FAM209A: variants seen among roughly 807,000 people sequenced by gnomAD.
FAM209A encodes the protein protein FAM209A.
In FAM209A, 4 loss-of-function variants were observed where a neutral mutation model predicts 9.8. The ratio of observed to expected loss-of-function variants is 0.41; its 90% CI spans 0.20 to 0.94. The LOEUF (loss-of-function observed/expected upper bound fraction) is 0.94, where lower values mean the gene tolerates loss of function less well. Among genes scored for constraint, FAM209A ranks in the 40% least tolerant of loss-of-function variants. The pLI, the probability that FAM209A is intolerant of heterozygous loss-of-function variation, is 0.32. For missense variants in FAM209A, 205 were observed against 209.4 expected (o/e 0.98, Z 0.13); for synonymous variants, 55 against 77.8 (o/e 0.71, Z 1.54).
chr20:56,530,223 T>C (rs987201657), downstream of FAM209A, among the ~76,000 whole-genome samples: 3 of 152,108 alleles, frequency 2.0e-5, no homozygotes, highest in African/African-American at 7.2e-5. Context: ...TATGCCATTT[T>C]GGCAAGGAGC....
At chr20:56,527,272 C>T (rs955709067), downstream of FAM209A, among the ~76,000 whole-genome samples, 11 of 151,860 alleles carry the variant, frequency 7.2e-5, no homozygotes, top group Middle Eastern at 3.4e-3. Context: ...GGAGCTGCTT[C>T]GGGTTGGCAC....
downstream of FAM209A, among the ~76,000 whole-genome samples, chr20:56,528,544 T>G (rs1985636160): frequency 6.6e-6 from 1 of 151,008 alleles, no homozygotes; most frequent in Admixed American, 6.6e-5. Context: ...GAGGTTGCAG[T>G]GAGCTATGAT....
the FAM209A span, among the ~76,000 whole-genome samples, chr20:56,532,601 A>C: frequency 1.2e-4 from 17 of 145,558 alleles, no homozygotes; most frequent in African/African-American, 4.1e-4. Context: ...CTCCTGTCTC[A>C]GCCTCCCAAG....
chr20:56,533,401 T>C, the FAM209A span: 1 of 1,613,984 alleles, frequency 6.2e-7, no homozygotes, highest in East Asian at 2.2e-5. Context: ...GCTATGCCTT[T>C]ATGTTCTCTT....
Position 56,524,899 on chromosome 20 carries a change from G to C in FAM209A, c.91G>C (p.Glu31Gln), listed in dbSNP as rs770936216. The C allele has an allele frequency of 1.9e-6, 3 of 1,614,034 alleles. No individual in the cohort carries two copies. In the Admixed American group the frequency reaches 5.0e-5, roughly 27 times the overall value. The change falls in exon 1 of 2, where the codon GAA becomes CAA. Residue 31 changes from glutamate to glutamine, a missense_variant. Glu to Gln is a conservative substitution (Grantham distance 29). Transcript: ENST00000371328. ...CTCTTCTCTGAGACAGAAAACTAGC[G>C]AACCCCAGGGGAAGGTGCAATACGG... ...MFSSLRQKTSEPQGKVQYGEH... is the reference protein window; with the variant it reads ...MFSSLRQKTSQPQGKVQYGEH...
chr20:56,529,064 CG>C (rs1233627501), downstream of FAM209A, among the ~76,000 whole-genome samples: 1 of 151,436 alleles, frequency 6.6e-6, no homozygotes, highest in African/African-American at 2.4e-5. Flanking sequence ...CAAAATTAGC[CG>C]GGTGCAGTGG....
At chr20:56,526,172 G>T (rs1180039967), downstream of FAM209A, 9 of 1,462,976 alleles carry the variant, frequency 6.2e-6, no homozygotes, top group Non-Finnish European at 8.2e-6. Context: ...TTGAGAGCTT[G>T]CTTCTTTTCT....
downstream of FAM209A, among the ~76,000 whole-genome samples, chr20:56,526,925 C>T (rs140750845): frequency 0.013 from 1,969 of 152,220 alleles, 54 homozygotes; most frequent in African/African-American, 0.045. Flanking sequence ...AACAAGAAAA[C>T]GGAGAAAAAT....
At chr20:56,530,543 G>A (rs1985707230), downstream of FAM209A, among the ~76,000 whole-genome samples, 1 of 151,960 alleles carries the variant, frequency 6.6e-6, no homozygotes, top group South Asian at 2.1e-4. Flanking sequence ...TGTTGCCCAG[G>A]TTATAGTGCA....
downstream of FAM209A, chr20:56,526,221 G>A (rs1667720032): frequency 1.8e-6 from 2 of 1,131,588 alleles, no homozygotes; most frequent in South Asian, 1.9e-5. Flanking sequence ...GAGACCAGTA[G>A]CCATAGCAGT....
In FAM209A at chr20:56,526,022, A is replaced by G. The variant is rs1985516994; in HGVS notation, c.468A>G (p.Pro156=). The G allele has an allele frequency of 5.0e-6, 8 of 1,613,724 alleles. No individual in the cohort carries two copies. The East Asian group carries it at 1.8e-4, about 36-fold the overall frequency. ...RLRKSEMPAD[P]YHVTICEIWG... is the part of the protein sequence containing the mutation. ...GAAAGTCAGAGATGCCTGCAGATCC[A>G]TACCATGTCACGATCTGTGAAATAT... Residue 156 remains proline, a synonymous_variant, in exon 2 of 2, where the codon CCA becomes CCG. Coordinates refer to ENST00000371328, the MANE Select transcript of FAM209A (RefSeq NM_001012971.4).
the FAM209A span, among the ~76,000 whole-genome samples, chr20:56,532,637 C>T: frequency 6.6e-6 from 1 of 152,030 alleles, no homozygotes; most frequent in Non-Finnish European, 1.5e-5. Context: ...GCGTGTGCCA[C>T]CACATCCAGC....
rs147255365 is a variant in FAM209A at position 56,525,356 on chromosome 20, A to C, written c.249+299A>C. On this transcript the variant is annotated intron_variant, in intron 1 of 1. Coordinates refer to ENST00000371328, the MANE Select transcript of FAM209A (RefSeq NM_001012971.4). ...TCAAGAACTTATGGTGTGTTTCAGA[A>C]AGTCAAAATTATTCACAGGGCCAGA... Among the ~76,000 whole-genome samples the C allele has an allele frequency of 5.3e-5, 8 of 152,304 alleles. No homozygotes were observed. The East Asian group carries it at 1.4e-3, about 26-fold the overall frequency.
downstream of FAM209A, among the ~76,000 whole-genome samples, chr20:56,526,539 T>C (rs1985537910): frequency 6.6e-6 from 1 of 152,164 alleles, no homozygotes; most frequent in Non-Finnish European, 1.5e-5. Context: ...TAGAGTTATC[T>C]GATTCTCTCA....
chr20:56,527,655 A>G (rs371715234), downstream of FAM209A, among the ~76,000 whole-genome samples: 5 of 152,296 alleles, frequency 3.3e-5, 1 homozygote, highest in East Asian at 1.9e-4. Flanking sequence ...GCAGGAGGCC[A>G]TGGCTTCTGC....
At chr20:56,525,663 G>C in intron 1 of FAM209A, 141 bp from the exon 2 acceptor site, 1 of 827,436 alleles carries the variant, frequency 1.2e-6, no homozygotes, top group Non-Finnish European at 1.9e-6. Flanking sequence ...TCCCGTAAAG[G>C]GCCAGGGAGG....
downstream of FAM209A, among the ~76,000 whole-genome samples, chr20:56,529,200 C>T (rs1049732699): frequency 8.0e-5 from 12 of 149,432 alleles, no homozygotes; most frequent in Admixed American, 2.7e-4. Flanking sequence ...AGAGTGAGAC[C>T]GTATTTCAAA....
chr20:56,526,554 A>G (rs1479067043), downstream of FAM209A, among the ~76,000 whole-genome samples: 5 of 152,238 alleles, frequency 3.3e-5, no homozygotes, highest in East Asian at 7.7e-4. Flanking sequence ...CTCTCACCAC[A>G]AGAGTCCTTT....
downstream of FAM209A, among the ~76,000 whole-genome samples, chr20:56,526,835 G>T (rs1985549390): frequency 6.6e-6 from 1 of 152,138 alleles, no homozygotes; most frequent in Admixed American, 6.6e-5. Flanking sequence ...GGGAGGCCGA[G>T]GCAGGAGGAC....
Sources: gnomAD v4.1 joint callset for allele counts (sites outside exome capture counted in the v4.1 genomes callset) on GRCh38, gnomAD v4.1.1 for gene constraint, MANE v1.5 for transcripts, NCBI Gene and HGNC (gene_info 2026-07-23, HGNC 2026-07-21) for gene names.